Variants in IP6K2 observed in about 807,000 individuals in gnomAD.
IP6K2 encodes the protein inositol hexakisphosphate kinase 2.
In IP6K2, 9 loss-of-function variants were observed where a neutral mutation model predicts 43.3. The ratio of observed to expected loss-of-function variants is 0.21; its 90% CI spans 0.13 to 0.36. The LOEUF (loss-of-function observed/expected upper bound fraction) is 0.36. Ranked by LOEUF, IP6K2 falls within the 10% of genes least tolerant of loss-of-function variation. The pLI, the probability that IP6K2 is intolerant of heterozygous loss-of-function variation, is 1.00. For synonymous variants in IP6K2, 209 were observed against 202.4 expected (o/e 1.03, Z -0.28); for missense variants, 332 against 538.4 (o/e 0.62, Z 3.79).
At chr3:48,705,099 A>G (rs1036979568) in intron 1 of IP6K2, among the ~76,000 whole-genome samples, 1 of 151,530 alleles carries the variant, frequency 6.6e-6, no homozygotes, top group African/African-American at 2.4e-5. Flanking sequence ...CTGCCACCAC[A>G]CCCGGCTAAT....
At chr3:48,704,244 A>G (rs1319733931) in intron 1 of IP6K2, among the ~76,000 whole-genome samples, 1 of 152,220 alleles carries the variant, frequency 6.6e-6, no homozygotes, top group African/African-American at 2.4e-5. Flanking sequence ...ACATGGCATC[A>G]AACTACCATC....
intron 1 of IP6K2, among the ~76,000 whole-genome samples, chr3:48,698,125 C>T (rs4858831): frequency 0.64 from 96,727 of 152,026 alleles, 31,669 homozygotes; most frequent in East Asian, 0.96. Context: ...CTAACCATTC[C>T]AGGCTCTATC....
rs144758836 is a variant in IP6K2 at position 48,714,359 on chromosome 3, G to A, written c.-131+2798C>T. Among the ~76,000 whole-genome samples the A allele has an allele frequency of 6.6e-5, 10 of 151,812 alleles. No individual in the cohort carries two copies. The East Asian group carries it at 1.4e-3, about 21-fold the overall frequency. On this transcript the variant is annotated intron_variant, in intron 1 of 5. Transcript: ENST00000328631. ...TGGTGTTACTGGCGTGAGCCACCAC[G>A]CTCGGCCCTTTCTTTTTCCTTTTTT...
chr3:48,693,097 A>C lies in IP6K2; in HGVS notation c.285T>G (p.Ile95Met). 2 of 1,614,214 alleles carry C rather than the reference A, an allele frequency of 1.2e-6. No homozygotes were observed. The highest frequency in any genetic ancestry group is 1.7e-6 in the Non-Finnish European group (2 of 1,180,020). The change falls in exon 3 of 6, where the codon ATT (isoleucine) becomes ATG (methionine). Residue 95 changes from isoleucine to methionine, a missense_variant. Physicochemically the swap from Ile to Met is conservative, Grantham distance 10. Coordinates refer to ENST00000328631, the MANE Select transcript of IP6K2 (RefSeq NM_016291.4). ...AGTCTGAATTATCTACAATGTCCAC[A>C]ATTCCATGGTCCCCTTTCAATGGAT... is the stretch of plus-strand genomic sequence containing the variant. ...IAYPLKGDHG[I>M]VDIVDNSDCE...
At chr3:48,689,440 C>G in intron 5 of IP6K2, 98 bp downstream of exon 5, 2 of 1,315,728 alleles carry the variant, frequency 1.5e-6, no homozygotes, top group Non-Finnish European at 2.1e-6. Flanking sequence ...GTGTGAGCCA[C>G]TGCACCTGGC....
In IP6K2 at chr3:48,688,283, C is replaced by T. The variant is rs2077503106; in HGVS notation, c.1271G>A (p.Ser424Asn). 3 of 1,613,378 alleles carry T rather than the reference C, an allele frequency of 1.9e-6. No homozygotes were observed. Among genetic ancestry groups the T allele is most frequent in the Admixed American group, 1.7e-5 (1 of 60,020 alleles). ...GAGCAGCTAGCAAGCTCACTCCCCACTCTCCTCACTTATCTCTGTGACAAT... is the reference window on the plus strand; with the variant it reads ...GAGCAGCTAGCAAGCTCACTCCCCATTCTCCTCACTTATCTCTGTGACAAT... ...IDIVTEISEE[S>N]GE is the part of the protein sequence containing the mutation. The change falls in exon 6 of 6, where the codon AGT becomes AAT. Residue 424 changes from serine (S) to asparagine (N), a missense_variant. Coordinates refer to ENST00000328631, the MANE Select transcript of IP6K2 (RefSeq NM_016291.4). This position sits in a 1 kb window ranked among gnomAD's most constrained non-coding sequence, Gnocchi z 5.1.
At chr3:48,702,834 G>A (rs1402537233) in intron 1 of IP6K2, among the ~76,000 whole-genome samples, 2 of 152,126 alleles carry the variant, frequency 1.3e-5, no homozygotes, top group Non-Finnish European at 2.9e-5. Flanking sequence ...TGAATCTCCA[G>A]GATCTACAAG....
chr3:48,694,826 T>C (rs1294091510), intron 2 of IP6K2: 2 of 1,536,576 alleles, frequency 1.3e-6, no homozygotes, highest in Admixed American at 2.0e-5. Flanking sequence ...AAGAGACACC[T>C]GAACATAAAA....
At position 48,695,660 on chromosome 3, in the gene IP6K2, G is replaced by C; in HGVS notation, c.-130-239C>G. 1 of 403,434 alleles carries C rather than the reference G, an allele frequency of 2.5e-6. No individual in the cohort carries two copies. The highest frequency in any genetic ancestry group is 1.4e-4 in the South Asian group (1 of 7,394). The allele number at this position is 403,434 out of a possible 1,614,324, so 25.0% of individuals were successfully genotyped here. ...GGAATGGGTTCAGGGGCCCTAAAAA[G>C]GCAGAGGTCCCACTACGGTGTTAGA... On this transcript the variant is annotated intron_variant, in intron 1 of 5. Transcript: ENST00000328631. This position sits in a 1 kb window ranked among gnomAD's most constrained non-coding sequence, Gnocchi z 4.6.
At chr3:48,704,715 C>A (rs1323792584) in intron 1 of IP6K2, among the ~76,000 whole-genome samples, 1 of 152,122 alleles carries the variant, frequency 6.6e-6, no homozygotes, top group Non-Finnish European at 1.5e-5. Flanking sequence ...TCAAGTGATC[C>A]TCCTGCCTTG....
chr3:48,704,982 C>T (rs1048028929), intron 1 of IP6K2, among the ~76,000 whole-genome samples: 1 of 151,340 alleles, frequency 6.6e-6, no homozygotes, highest in Admixed American at 6.6e-5. Context: ...CACTCTGTCG[C>T]CCAGGCTGGA....
At chr3:48,689,292 A>G (rs2077575779) in intron 5 of IP6K2, among the ~76,000 whole-genome samples, 1 of 152,168 alleles carries the variant, frequency 6.6e-6, no homozygotes, top group African/African-American at 2.4e-5. Context: ...AGCTGGTATT[A>G]CAGCCGTGCA....
chr3:48,713,827 A>T (rs1385608276), intron 1 of IP6K2, among the ~76,000 whole-genome samples: 3 of 151,698 alleles, frequency 2.0e-5, no homozygotes, highest in South Asian at 2.1e-4. Flanking sequence ...AAAGAAAGAA[A>T]AAGGCCAGGT....
At chr3:48,690,094 G>A (rs2077635347) in intron 4 of IP6K2, among the ~76,000 whole-genome samples, 1 of 152,226 alleles carries the variant, frequency 6.6e-6, no homozygotes, top group African/African-American at 2.4e-5. Context: ...ATGTGAACTG[G>A]AAATATCAGT....
intron 1 of IP6K2, among the ~76,000 whole-genome samples, chr3:48,713,989 T>C (rs1036667646): frequency 6.6e-6 from 1 of 151,326 alleles, no homozygotes; most frequent in East Asian, 2.0e-4. Context: ...CGGTGGCACA[T>C]GCCTGTAGTC....
intron 1 of IP6K2, among the ~76,000 whole-genome samples, chr3:48,713,177 G>A (rs1187427631): frequency 1.3e-5 from 2 of 152,134 alleles, no homozygotes; most frequent in Non-Finnish European, 2.9e-5. Flanking sequence ...ATACTGAAGG[G>A]GGATGCGAGA....
intron 2 of IP6K2, chr3:48,693,862 G>C: frequency 3.4e-6 from 4 of 1,180,356 alleles, no homozygotes; most frequent in Non-Finnish European, 4.2e-6. Flanking sequence ...GGGGAGCACA[G>C]ACATGTGGTG....
intron 1 of IP6K2, among the ~76,000 whole-genome samples, chr3:48,698,086 G>C (rs1021964966): frequency 6.6e-6 from 1 of 152,140 alleles, no homozygotes; most frequent in Non-Finnish European, 1.5e-5. Context: ...ACTCAACACA[G>C]GCAATGGAAC....
At position 48,688,145 on chromosome 3, in the gene IP6K2, C is replaced by G; in HGVS notation, c.*128G>C. ...TGGGACTGGCTCAGGCTGGGGCTCA[C>G]AGAGGCCACTGCACATCAGCTCCAG... On this transcript the variant is annotated 3_prime_UTR_variant, in exon 6 of 6. Transcript: ENST00000328631. This position sits in a 1 kb window ranked among gnomAD's most constrained non-coding sequence, Gnocchi z 5.1. The G allele has an allele frequency of 1.0e-6, 1 of 979,398 alleles. No homozygotes were observed. Among genetic ancestry groups the G allele is most frequent in the South Asian group, 1.5e-5 (1 of 64,692 alleles). The allele number at this position is 979,398 out of a possible 1,614,324, so 60.7% of individuals were successfully genotyped here.
Sources: gnomAD v4.1 joint callset for allele counts (sites outside exome capture counted in the v4.1 genomes callset) on GRCh38, gnomAD v4.1.1 for gene constraint, Gnocchi (gnomAD v3.1) non-coding constraint, MANE v1.5 for transcripts, NCBI Gene and HGNC (gene_info 2026-07-23, HGNC 2026-07-21) for gene names.